Variants in DRC9 observed in about 807,000 individuals in gnomAD.
The protein encoded by DRC9 is dynein regulatory complex subunit 9, also known as dynein regulatory complex protein 9.
the DRC9 span, among the ~76,000 whole-genome samples, chr3:197,934,501 G>A: frequency 2.6e-5 from 4 of 151,976 alleles, no homozygotes; most frequent in Admixed American, 6.6e-5. Flanking sequence ...TCACATTTTC[G>A]AGATGAGTAA....
At chr3:197,950,118 G>A in the DRC9 span, 1 of 1,231,678 alleles carries the variant, frequency 8.1e-7, no homozygotes, top group Non-Finnish European at 1.0e-6. Context: ...CTGGCGTTTG[G>A]AGAAGATGCC....
the DRC9 span, among the ~76,000 whole-genome samples, chr3:197,910,840 C>T: frequency 3.3e-5 from 5 of 151,772 alleles, no homozygotes; most frequent in Admixed American, 6.6e-5. Flanking sequence ...ATTAGCTGGA[C>T]GTGCGCCTGT....
the DRC9 span, among the ~76,000 whole-genome samples, chr3:197,946,399 C>T: frequency 4.9e-5 from 7 of 143,544 alleles, no homozygotes; most frequent in East Asian, 2.0e-4. Context: ...CGCGCCACTG[C>T]ACTCCAGCCT....
the DRC9 span, among the ~76,000 whole-genome samples, chr3:197,897,771 T>C: frequency 1.6e-4 from 14 of 87,970 alleles, no homozygotes; most frequent in African/African-American, 3.1e-4. Flanking sequence ...AGCATAAACC[T>C]TTTTTTTTTT....
chr3:197,900,207 G>A, the DRC9 span, among the ~76,000 whole-genome samples: 3 of 152,178 alleles, frequency 2.0e-5, no homozygotes, highest in Admixed American at 6.5e-5. This position sits in a 1 kb window ranked among gnomAD's most constrained non-coding sequence, Gnocchi z 4.7. Flanking sequence ...GGAGGACTAC[G>A]ACCCTCTACA....
chr3:197,939,249 G>C, the DRC9 span, among the ~76,000 whole-genome samples: 1 of 152,148 alleles, frequency 6.6e-6, no homozygotes. Context: ...ACAATGACTA[G>C]CATATAGCAG....
chr3:197,939,245 A>G, the DRC9 span, among the ~76,000 whole-genome samples: 3 of 152,232 alleles, frequency 2.0e-5, no homozygotes, highest in Non-Finnish European at 2.9e-5. Flanking sequence ...TAGAACAATG[A>G]CTAGCATATA....
At chr3:197,909,250 T>C in the DRC9 span, among the ~76,000 whole-genome samples, 1 of 152,190 alleles carries the variant, frequency 6.6e-6, no homozygotes, top group African/African-American at 2.4e-5. Flanking sequence ...GGATTCCCCA[T>C]TGTCACTACT....
chr3:197,942,888 C>T, the DRC9 span, among the ~76,000 whole-genome samples: 1 of 134,812 alleles, frequency 7.4e-6, no homozygotes, highest in Non-Finnish European at 1.6e-5. Flanking sequence ...AGCGAAACTC[C>T]ATCTCAAAAA....
the DRC9 span, among the ~76,000 whole-genome samples, chr3:197,890,360 G>A: frequency 1.3e-5 from 2 of 151,640 alleles, no homozygotes; most frequent in East Asian, 1.9e-4. Flanking sequence ...AGCAGAGATT[G>A]CGCCACTGCA....
chr3:197,959,259 G>A, the DRC9 span: 6 of 152,298 alleles, frequency 3.9e-5, no homozygotes, highest in Admixed American at 2.6e-4. Flanking sequence ...ACAGCCAGGA[G>A]CTTAGGATGA....
the DRC9 span, among the ~76,000 whole-genome samples, chr3:197,899,548 C>T: frequency 5.3e-5 from 8 of 152,212 alleles, no homozygotes; most frequent in African/African-American, 1.2e-4. Context: ...ACAGTGAGAA[C>T]CCCTGTCTCA....
chr3:197,935,458 G>T, the DRC9 span, among the ~76,000 whole-genome samples: 1 of 146,560 alleles, frequency 6.8e-6, no homozygotes, highest in Non-Finnish European at 1.5e-5. Flanking sequence ...AAAAAGAAAA[G>T]AAAAGTAAAT....
At chr3:197,909,852 G>T in the DRC9 span, among the ~76,000 whole-genome samples, 7 of 152,134 alleles carry the variant, frequency 4.6e-5, no homozygotes, top group African/African-American at 1.7e-4. Context: ...AATTAGCCAG[G>T]TGTGGTGGCA....
chr3:197,941,345 GT>G, the DRC9 span, among the ~76,000 whole-genome samples: 1 of 49,008 alleles, frequency 2.0e-5, no homozygotes, highest in Non-Finnish European at 3.1e-5. Context: ...TCTCCCCTCT[GT>G]CTCTTTCTTT....
At chr3:197,902,588 C>T in the DRC9 span, among the ~76,000 whole-genome samples, 1 of 151,802 alleles carries the variant, frequency 6.6e-6, no homozygotes, top group African/African-American at 2.4e-5. Context: ...AAGAAGGCAT[C>T]AGAGTCTCAA....
At chr3:197,946,423 A>G in the DRC9 span, among the ~76,000 whole-genome samples, 1 of 137,726 alleles carries the variant, frequency 7.3e-6, no homozygotes, top group African/African-American at 3.0e-5. Flanking sequence ...CGACAGAGCG[A>G]GACTCCGTCT....
chr3:197,911,269 T>C, the DRC9 span, among the ~76,000 whole-genome samples: 3 of 152,214 alleles, frequency 2.0e-5, no homozygotes, highest in African/African-American at 7.2e-5. Flanking sequence ...AATTACTGCC[T>C]GCAACACTGC....
At chr3:197,889,706 G>A in the DRC9 span, 2 of 1,614,196 alleles carry the variant, frequency 1.2e-6, no homozygotes, top group Non-Finnish European at 1.7e-6. Context: ...CTCGCCACCA[G>A]GCCTGGAGCT....
Sources: gnomAD v4.1 joint callset for allele counts (sites outside exome capture counted in the v4.1 genomes callset) on GRCh38, gnomAD v4.1.1 for gene constraint, Gnocchi (gnomAD v3.1) non-coding constraint, MANE v1.5 for transcripts, NCBI Gene and HGNC (gene_info 2026-07-23, HGNC 2026-07-21) for gene names.